PSMA1: variants seen among roughly 807,000 people sequenced by gnomAD.
PSMA1 encodes proteasome subunit alpha type-1.
In PSMA1, 3 loss-of-function variants were observed where a neutral mutation model predicts 38.4. The ratio of observed to expected loss-of-function variants is 0.08; its 90% CI spans 0.04 to 0.20. PSMA1 has a LOEUF of 0.20. Ranked by LOEUF, PSMA1 falls within the 10% of genes least tolerant of loss-of-function variation. The pLI is 1.00. For missense variants in PSMA1, 227 were observed against 325.3 expected (o/e 0.70, Z 2.32); for synonymous variants, 101 against 107.1 (o/e 0.94, Z 0.35).
intron 1 of PSMA1, among the ~76,000 whole-genome samples, chr11:14,634,633 C>A (rs557805095): frequency 2.6e-5 from 4 of 151,988 alleles, no homozygotes; most frequent in Admixed American, 1.3e-4. Context: ...CATGAGCCAC[C>A]GTGCATAGCC....
intron 5 of PSMA1, 65 bp downstream of exon 5, chr11:14,514,338 T>C (rs1445496750): frequency 1.3e-6 from 2 of 1,502,000 alleles, no homozygotes; most frequent in South Asian, 1.3e-5. Context: ...ATATTCCTAA[T>C]AATTAACACA....
chr11:14,551,926 T>C (rs574103721), intron 2 of PSMA1, among the ~76,000 whole-genome samples: 2 of 152,358 alleles, frequency 1.3e-5, no homozygotes, highest in East Asian at 1.9e-4. Flanking sequence ...TATATTTTCC[T>C]CTTCTCTGCA....
intron 2 of PSMA1, 151 bp from the exon 3 acceptor site, chr11:14,518,132 A>T: frequency 1.7e-6 from 1 of 586,432 alleles, no homozygotes; most frequent in South Asian, 2.3e-5. Flanking sequence ...ACAGGTTCTC[A>T]CTCTGTCACC....
At chr11:14,568,416 A>C (rs965062989) in intron 2 of PSMA1, among the ~76,000 whole-genome samples, 17 of 152,362 alleles carry the variant, frequency 1.1e-4, no homozygotes, top group Middle Eastern at 3.4e-3. Context: ...GATAGGCTAC[A>C]TTAGGGCTGG....
intron 1 of PSMA1, among the ~76,000 whole-genome samples, chr11:14,627,245 CATT>C (rs1450489069): frequency 6.6e-6 from 1 of 152,158 alleles, no homozygotes; most frequent in Non-Finnish European, 1.5e-5. Flanking sequence ...TAACACTCAT[CATT>C]AAGTATGTTC....
chr11:14,602,943 T>C (rs2134194643), intron 2 of PSMA1, among the ~76,000 whole-genome samples: 1 of 152,302 alleles, frequency 6.6e-6, no homozygotes, highest in East Asian at 1.9e-4. Flanking sequence ...GAGACATAAG[T>C]AACCAGTTGA....
rs191409532 is a variant in PSMA1, at chr11:14,525,691, A to G, written c.22-6650T>C. On this transcript the variant is annotated intron_variant, in intron 2 of 10. Coordinates refer to the PSMA1 transcript ENST00000418988. ...TCAATACCTTCCTCCACAACTCACT[A>G]TTCGGTTCTTGATCTTAAAGATGCT... Among the ~76,000 whole-genome samples, 175 of 152,050 alleles carry G rather than the reference A, an allele frequency of 1.2e-3. 1 individual carries two copies. In the Middle Eastern group the frequency reaches 0.027, roughly 24 times the overall value.
At chr11:14,599,999 C>T (rs1852559479) in intron 2 of PSMA1, among the ~76,000 whole-genome samples, 1 of 152,152 alleles carries the variant, frequency 6.6e-6, no homozygotes, top group Non-Finnish European at 1.5e-5. Flanking sequence ...CAGTCAAGTC[C>T]CTCAGCTGCA....
At chr11:14,564,215 A>C (rs922966185) in intron 2 of PSMA1, among the ~76,000 whole-genome samples, 3 of 151,062 alleles carry the variant, frequency 2.0e-5, no homozygotes, top group Non-Finnish European at 3.0e-5. Context: ...CACCCCACCT[A>C]CTCTGTTACC....
At chr11:14,573,756 A>G (rs1852177986) in intron 2 of PSMA1, among the ~76,000 whole-genome samples, 1 of 152,238 alleles carries the variant, frequency 6.6e-6, no homozygotes, top group African/African-American at 2.4e-5. Context: ...TTGTATATCC[A>G]GAAAACCCCA....
At chr11:14,619,420 C>G (rs1247089070) in intron 1 of PSMA1, among the ~76,000 whole-genome samples, 2 of 151,768 alleles carry the variant, frequency 1.3e-5, no homozygotes, top group Non-Finnish European at 1.5e-5. Flanking sequence ...ACCTGGGTGA[C>G]AGAGAGAGAT....
At chr11:14,507,602 G>T in intron 9 of PSMA1, 54 bp downstream of exon 9, 2 of 1,224,968 alleles carry the variant, frequency 1.6e-6, no homozygotes, top group Middle Eastern at 2.5e-4. Flanking sequence ...CACAGTTGTG[G>T]TAAGAACAGC....
intron 2 of PSMA1, among the ~76,000 whole-genome samples, chr11:14,518,578 G>A (rs980952462): frequency 4.6e-5 from 7 of 152,092 alleles, no homozygotes; most frequent in Non-Finnish European, 1.0e-4. Flanking sequence ...CAAAAATCTT[G>A]AATACAAAAC....
intron 1 of PSMA1, among the ~76,000 whole-genome samples, chr11:14,614,397 GA>G (rs965435401): frequency 2.3e-4 from 34 of 146,778 alleles, no homozygotes; most frequent in African/African-American, 5.7e-4. Flanking sequence ...CATATAAGCT[GA>G]AAAAAAAAAC....
intron 1 of PSMA1, among the ~76,000 whole-genome samples, chr11:14,519,665 G>A (rs1236843950): frequency 6.6e-6 from 1 of 152,106 alleles, no homozygotes; most frequent in Non-Finnish European, 1.5e-5. Flanking sequence ...CGGCTATTAC[G>A]ACTATTATAA....
chr11:14,520,556 C>T, upstream of PSMA1: 2 of 1,269,890 alleles, frequency 1.6e-6, no homozygotes, highest in Admixed American at 2.9e-5. Flanking sequence ...GCTGGGAGTG[C>T]CGGCGGCTGA....
chr11:14,529,296 T>G (rs976561302), intron 2 of PSMA1, among the ~76,000 whole-genome samples: 15 of 152,148 alleles, frequency 9.9e-5, no homozygotes, highest in Non-Finnish European at 2.1e-4. Context: ...AACAAATAGA[T>G]GTATAGGGTG....
intron 2 of PSMA1, among the ~76,000 whole-genome samples, chr11:14,543,748 T>C (rs549746072): frequency 2.6e-4 from 40 of 152,338 alleles, no homozygotes; most frequent in African/African-American, 9.1e-4. Context: ...ACAATGTACA[T>C]CAGGTCCTTG....
intron 1 of PSMA1, among the ~76,000 whole-genome samples, chr11:14,624,279 G>A (rs559217064): frequency 3.9e-5 from 6 of 152,178 alleles, no homozygotes; most frequent in Non-Finnish European, 7.4e-5. Flanking sequence ...TTAGCTGGTC[G>A]TATGGGAACC....
Sources: allele counts gnomAD v4.1 joint callset (sites outside exome capture counted in the v4.1 genomes callset), GRCh38; gene constraint gnomAD v4.1.1; transcripts MANE v1.5; gene names NCBI Gene and HGNC (gene_info 2026-07-23, HGNC 2026-07-21).